Variants in MTHFD2L observed in about 807,000 individuals in gnomAD.
The protein encoded by MTHFD2L is bifunctional methylenetetrahydrofolate dehydrogenase/cyclohydrolase 2, mitochondrial.
In MTHFD2L, 29 loss-of-function variants were observed where a neutral mutation model predicts 34.9. The observed-to-expected ratio is 0.83, with a 90% CI of 0.62 to 1.13. The LOEUF is 1.13. Among genes scored for constraint, MTHFD2L ranks in the 50% most tolerant of loss-of-function variants. The pLI is 0.00. For missense variants in MTHFD2L, 481 were observed against 446.5 expected, an observed-to-expected ratio of 1.08 and a Z score of -0.70; for synonymous variants, 167 against 155.7, an observed-to-expected ratio of 1.07 and a Z score of -0.54.
intron 1 of MTHFD2L, among the ~76,000 whole-genome samples, chr4:74,144,703 T>C (rs553074874): frequency 4.5e-4 from 69 of 152,312 alleles, no homozygotes; most frequent in African/African-American, 1.6e-3. Flanking sequence ...TTACATGATA[T>C]TTGGTGTCTT....
At chr4:74,177,093 T>C (rs1418164985) in intron 3 of MTHFD2L, among the ~76,000 whole-genome samples, 3 of 151,930 alleles carry the variant, frequency 2.0e-5, no homozygotes, top group Non-Finnish European at 4.4e-5. Context: ...AGAAAAATGC[T>C]CTGGCAGATA....
intron 6 of MTHFD2L, among the ~76,000 whole-genome samples, chr4:74,256,798 T>C (rs945819777): frequency 3.3e-5 from 5 of 152,304 alleles, no homozygotes; most frequent in African/African-American, 7.2e-5. Context: ...TTCTGTTCCA[T>C]TGGTCTCTGT....
intron 3 of MTHFD2L, among the ~76,000 whole-genome samples, chr4:74,175,905 A>C (rs1484225402): frequency 6.6e-6 from 1 of 152,074 alleles, no homozygotes; most frequent in Non-Finnish European, 1.5e-5. Context: ...TAGTTGGAGC[A>C]GTGTTTGTCT....
intron 6 of MTHFD2L, among the ~76,000 whole-genome samples, chr4:74,275,841 G>T (rs757170971): frequency 1.3e-4 from 20 of 151,956 alleles, no homozygotes; most frequent in Non-Finnish European, 2.4e-4. Context: ...GTAAATTCTG[G>T]ATATTAGACC....
intron 1 of MTHFD2L, chr4:74,161,320 T>A (rs1725413000): frequency 6.6e-6 from 1 of 152,228 alleles, no homozygotes; most frequent in Non-Finnish European, 1.5e-5. Flanking sequence ...GACTCTTCCC[T>A]CTACTACTTA....
intron 7 of MTHFD2L, among the ~76,000 whole-genome samples, chr4:74,297,846 AAT>A (rs376376993): frequency 5.3e-5 from 8 of 152,240 alleles, no homozygotes; most frequent in African/African-American, 1.9e-4. Context: ...ATCGCCCTGA[AAT>A]AGTTATGCAA....
intron 1 of MTHFD2L, chr4:74,143,343 G>T (rs1256485552): frequency 1.1e-6 from 1 of 911,978 alleles, no homozygotes; most frequent in Non-Finnish European, 1.3e-6. Context: ...TGAAGGCAAA[G>T]AAATATACTC....
At chr4:74,160,204 T>G in intron 1 of MTHFD2L, 1 of 809,846 alleles carries the variant, frequency 1.2e-6, no homozygotes, top group Non-Finnish European at 1.7e-6. Context: ...CTGACATCTT[T>G]TCTTTTGCCA....
chr4:74,163,499 C>T (rs1010368576), intron 1 of MTHFD2L, among the ~76,000 whole-genome samples: 6 of 152,036 alleles, frequency 3.9e-5, no homozygotes, highest in African/African-American at 1.4e-4. Context: ...AAACTGGATA[C>T]GAAGAAGAGT....
chr4:74,158,204 C>T lies in MTHFD2L; in HGVS notation c.66C>T (p.Gly22=). 6.6e-7 allele frequency: 1 copy of T among 1,524,268 alleles called. No individual in the cohort carries two copies. The highest frequency in any genetic ancestry group is 8.8e-7 in the Non-Finnish European group (1 of 1,136,118). 94.4% of individuals were successfully genotyped at this position (1,524,268 alleles called of 1,614,324 possible). Residue 22 remains glycine (G), a synonymous_variant, in exon 1 of 8, where the codon GGC becomes GGT. Coordinates refer to ENST00000325278, the MANE Select transcript of MTHFD2L (RefSeq NM_001144978.3). Reference sequence around the variant, plus strand: ...GCCTTGGCCGAGCGCCGGCGTTGGGCAGAAGCACAGCACCCTCCGTAAGGG... The same window carrying T: ...GCCTTGGCCGAGCGCCGGCGTTGGGTAGAAGCACAGCACCCTCCGTAAGGG... ...RGRLGRAPAL[G]RSTAPSVRAP...
intron 1 of MTHFD2L, among the ~76,000 whole-genome samples, chr4:74,144,806 TTC>T (rs1408435965): frequency 2.0e-5 from 3 of 152,186 alleles, no homozygotes; most frequent in Non-Finnish European, 4.4e-5. Flanking sequence ...TAATCTTTAT[TTC>T]TGTCATGTGA....
At chr4:74,268,288 AG>A in intron 6 of MTHFD2L, 1 of 974,316 alleles carries the variant, frequency 1.0e-6, no homozygotes, top group Non-Finnish European at 1.2e-6. Context: ...TCTAGAAAGA[AG>A]CATACATTCA....
At position 74,172,419 on chromosome 4, in the gene MTHFD2L, A is replaced by G. The variant is rs1048559892; in HGVS notation, c.144-2087A>G. 7.5e-4 allele frequency among the ~76,000 whole-genome samples: 114 copies of G among 152,236 alleles called. 3 individuals carry two copies. Among genetic ancestry groups the G allele is most frequent in the Admixed American group, 7.4e-3 (113 of 15,302 alleles). ...TATATTGAATTCATCATGACATTTC[A>G]TGTCTTGAAAGCTATTAAAATTTTA... On this transcript the variant is annotated intron_variant, in intron 1 of 7. Transcript: ENST00000325278.
chr4:74,267,299 C>T, intron 6 of MTHFD2L: 2 of 852,924 alleles, frequency 2.3e-6, no homozygotes, highest in Non-Finnish European at 2.7e-6. Flanking sequence ...CTTTTCTTTT[C>T]TTTTCTTTTC....
intron 3 of MTHFD2L, among the ~76,000 whole-genome samples, chr4:74,187,860 G>C (rs1382424424): frequency 6.7e-6 from 1 of 148,264 alleles, no homozygotes; most frequent in Non-Finnish European, 1.5e-5. Context: ...CCGTGCCTGT[G>C]TATTTCCCCA....
At chr4:74,129,120 A>T (rs1182583286) in intron 1 of MTHFD2L, among the ~76,000 whole-genome samples, 1 of 152,082 alleles carries the variant, frequency 6.6e-6, no homozygotes, top group Non-Finnish European at 1.5e-5. Context: ...TTTAAATATA[A>T]CAAGTTATTT....
chr4:74,243,700 C>A (rs576252725), intron 6 of MTHFD2L, among the ~76,000 whole-genome samples: 1 of 152,060 alleles, frequency 6.6e-6, no homozygotes, highest in East Asian at 1.9e-4. Context: ...TTGGTCCTTA[C>A]ATCACAAGTA....
At chr4:74,289,677 G>A (rs975577343) in intron 7 of MTHFD2L, among the ~76,000 whole-genome samples, 1 of 152,154 alleles carries the variant, frequency 6.6e-6, no homozygotes, top group Non-Finnish European at 1.5e-5. Flanking sequence ...AACTGATGGG[G>A]CGTGGACCAG....
chr4:74,197,561 T>A (rs1733700374), intron 3 of MTHFD2L, among the ~76,000 whole-genome samples: 1 of 152,138 alleles, frequency 6.6e-6, no homozygotes, highest in African/African-American at 2.4e-5. Context: ...GTGATTTTAA[T>A]TTTTAATGGT....
Sources: allele counts gnomAD v4.1 joint callset (sites outside exome capture counted in the v4.1 genomes callset), GRCh38; gene constraint gnomAD v4.1.1; transcripts MANE v1.5; gene names NCBI Gene and HGNC (gene_info 2026-07-23, HGNC 2026-07-21).